The following GALNTL6 variants were observed in gnomAD, a reference collection of about 807,000 sequenced individuals.
GALNTL6 encodes polypeptide N-acetylgalactosaminyltransferase like 6.
In GALNTL6, 46 loss-of-function variants were observed where a neutral mutation model predicts 73.7. The ratio of observed to expected loss-of-function variants is 0.62; its 90% CI spans 0.49 to 0.80. GALNTL6 has a LOEUF of 0.80. GALNTL6 is among the 30% of genes least tolerant of loss of function. The pLI, the probability that GALNTL6 is intolerant of heterozygous loss-of-function variation, is 0.00. For missense variants in GALNTL6, 604 were observed against 755.0 expected (o/e 0.80, Z 2.34); for synonymous variants, 259 against 263.7 (o/e 0.98, Z 0.17).
intron 9 of GALNTL6, among the ~76,000 whole-genome samples, chr4:172,946,581 G>A (rs987949574): frequency 6.6e-6 from 1 of 152,122 alleles, no homozygotes; most frequent in Non-Finnish European, 1.5e-5. Flanking sequence ...AAGACCTGAC[G>A]TGTATTAGAA....
chr4:172,156,545 A>ATATATATATATATATATACATAC (rs1734281753), intron 2 of GALNTL6, among the ~76,000 whole-genome samples: 3 of 67,342 alleles, frequency 4.5e-5, no homozygotes, highest in African/African-American at 7.3e-5. Flanking sequence ...TATATAATAT[A>ATATATATATATATATATACATAC]TATATATATA....
At chr4:172,157,589 T>C (rs1168986791) in intron 2 of GALNTL6, among the ~76,000 whole-genome samples, 1 of 152,178 alleles carries the variant, frequency 6.6e-6, no homozygotes, top group Non-Finnish European at 1.5e-5. Context: ...AAGATACTTG[T>C]TTCCCTGTAA....
Position 172,074,715 on chromosome 4 carries a change from A to G in GALNTL6, c.139-154941A>G, listed in dbSNP as rs190747465. Among the ~76,000 whole-genome samples the G allele has an allele frequency of 1.5e-3, 226 of 151,996 alleles. 4 individuals are homozygous for G. In the East Asian group the frequency reaches 0.035, roughly 24 times the overall value. On this transcript the variant is annotated intron_variant, in intron 2 of 12. Transcript: ENST00000506823. ...TTCTTATAAAAGTGCACAACACAAT[A>G]TGGAAAACAGGGCTTTAATTAAGCA...
chr4:172,228,271 T>C (rs1736935718), intron 2 of GALNTL6, among the ~76,000 whole-genome samples: 1 of 152,178 alleles, frequency 6.6e-6, no homozygotes, highest in African/African-American at 2.4e-5. Context: ...TTAAAAATTA[T>C]CAGTATTCCT....
intron 5 of GALNTL6, among the ~76,000 whole-genome samples, chr4:172,661,227 C>G (rs1176615881): frequency 6.6e-6 from 1 of 152,084 alleles, no homozygotes; most frequent in Non-Finnish European, 1.5e-5. Context: ...ACCTCCAGCC[C>G]CTCACCTCTC....
intron 2 of GALNTL6, among the ~76,000 whole-genome samples, chr4:172,187,669 A>G (rs1486215378): frequency 6.6e-6 from 1 of 152,074 alleles, no homozygotes; most frequent in African/African-American, 2.4e-5. Flanking sequence ...CTAAAAGTTC[A>G]TTTTTGACAT....
At chr4:171,924,603 C>T (rs995396806) in intron 2 of GALNTL6, among the ~76,000 whole-genome samples, 6 of 152,148 alleles carry the variant, frequency 3.9e-5, no homozygotes, top group African/African-American at 1.4e-4. Flanking sequence ...TGGAAAAGCA[C>T]GATCAGGTGC....
chr4:172,964,269 A>G (rs904769022), intron 10 of GALNTL6, among the ~76,000 whole-genome samples: 1 of 152,202 alleles, frequency 6.6e-6, no homozygotes, highest in Non-Finnish European at 1.5e-5. Flanking sequence ...TGAATTTGCT[A>G]AAGTCATTTA....
intron 3 of GALNTL6, among the ~76,000 whole-genome samples, chr4:172,297,194 G>A (rs1315413123): frequency 6.6e-6 from 1 of 151,942 alleles, no homozygotes; most frequent in East Asian, 1.9e-4. Flanking sequence ...TTCACCCATT[G>A]TTGATGGGGT....
intron 2 of GALNTL6, among the ~76,000 whole-genome samples, chr4:171,942,571 G>A (rs1395015613): frequency 1.3e-5 from 2 of 152,162 alleles, no homozygotes; most frequent in Admixed American, 1.3e-4. Flanking sequence ...GTCTGTTTAT[G>A]ATTCATCTAC....
chr4:172,473,204 T>A (rs1255204733), intron 5 of GALNTL6, among the ~76,000 whole-genome samples: 1 of 152,180 alleles, frequency 6.6e-6, no homozygotes, highest in Non-Finnish European at 1.5e-5. Context: ...TCTTGCCTAC[T>A]CAAGACTCCA....
chr4:172,854,355 T>C (rs746828474), intron 7 of GALNTL6, among the ~76,000 whole-genome samples: 3 of 152,198 alleles, frequency 2.0e-5, no homozygotes, highest in Non-Finnish European at 4.4e-5. Flanking sequence ...TTTGTATATG[T>C]CATAGAATAT....
At chr4:172,913,272 A>G (rs1747312158) in intron 8 of GALNTL6, among the ~76,000 whole-genome samples, 1 of 152,218 alleles carries the variant, frequency 6.6e-6, no homozygotes, top group African/African-American at 2.4e-5. Context: ...ATAAAACCAC[A>G]AAGATGGGGA....
At chr4:172,034,143 T>G (rs1411235840) in intron 2 of GALNTL6, among the ~76,000 whole-genome samples, 1 of 152,232 alleles carries the variant, frequency 6.6e-6, no homozygotes, top group Non-Finnish European at 1.5e-5. Flanking sequence ...ATCTAAGTTT[T>G]ATTCTATATG....
At chr4:172,163,903 G>A (rs1579201156) in intron 2 of GALNTL6, among the ~76,000 whole-genome samples, 1 of 151,852 alleles carries the variant, frequency 6.6e-6, no homozygotes, top group Non-Finnish European at 1.5e-5. Context: ...AGAAAATATA[G>A]GAGTAATTTT....
intron 2 of GALNTL6, among the ~76,000 whole-genome samples, chr4:171,916,762 A>G (rs1038211934): frequency 6.6e-6 from 1 of 152,122 alleles, no homozygotes; most frequent in Non-Finnish European, 1.5e-5. Context: ...GGGAATTATA[A>G]TATGTTCTGG....
intron 8 of GALNTL6, among the ~76,000 whole-genome samples, chr4:172,923,960 T>G: frequency 6.6e-6 from 1 of 151,882 alleles, no homozygotes; most frequent in Middle Eastern, 3.2e-3. Flanking sequence ...GAATTCAAGA[T>G]GAGATTTTTG....
intron 5 of GALNTL6, among the ~76,000 whole-genome samples, chr4:172,675,499 G>T (rs1435730696): frequency 2.0e-5 from 3 of 152,322 alleles, no homozygotes; most frequent in East Asian, 3.9e-4. Flanking sequence ...ACTGGAGGTG[G>T]TGTTGGCTCA....
At chr4:172,995,274 G>GTC (rs10701528) in intron 10 of GALNTL6, among the ~76,000 whole-genome samples, 27,617 of 152,086 alleles carry the variant, frequency 0.18, 2,634 homozygotes, top group African/African-American at 0.23. Flanking sequence ...GTGTGGTTCA[G>GTC]TGAAAATACA....
Sources: allele counts gnomAD v4.1 joint callset (sites outside exome capture counted in the v4.1 genomes callset), GRCh38; gene constraint gnomAD v4.1.1; transcripts MANE v1.5; gene names NCBI Gene and HGNC (gene_info 2026-07-23, HGNC 2026-07-21).